Variants in C7orf33 observed in about 807,000 individuals in gnomAD.
C7orf33 encodes uncharacterized protein C7orf33.
C7orf33 carries 15 observed loss-of-function variants against 13.4 expected under a neutral mutation model. The ratio of observed to expected loss-of-function variants is 1.12; its 90% CI spans 0.75 to 1.72. The LOEUF (loss-of-function observed/expected upper bound fraction) is 1.72, where lower values mean the gene tolerates loss of function less well. Ranked by LOEUF, C7orf33 falls within the 40% of genes most tolerant of loss-of-function variation. The pLI, the probability that C7orf33 is intolerant of heterozygous loss-of-function variation, is 0.00. For missense variants in C7orf33, 187 were observed against 220.3 expected (o/e 0.85, Z 0.96); for synonymous variants, 73 against 83.2 (o/e 0.88, Z 0.67).
At chr7:148,614,830 A>C (rs1420596697) in intron 2 of C7orf33, among the ~76,000 whole-genome samples, 1 of 152,226 alleles carries the variant, frequency 6.6e-6, no homozygotes, top group African/African-American at 2.4e-5. Context: ...TCAGCCTAAA[A>C]ATTTTAAATA....
At chr7:148,598,799 GAGAGAGAGAGAGAGAGAA>G in intron 1 of C7orf33, among the ~76,000 whole-genome samples, 1 of 138,802 alleles carries the variant, frequency 7.2e-6, no homozygotes, top group African/African-American at 2.8e-5. Flanking sequence ...GAGAGAGAGA[GAGAGAGAGAGAGAGAGAA>G]TGAGAATATA....
chr7:148,591,027 C>A lies in C7orf33; in HGVS notation c.102C>A (p.Arg34=). 6.2e-7 allele frequency: 1 copy of A among 1,614,140 alleles called. No homozygotes were observed. Among genetic ancestry groups the A allele is most frequent in the Non-Finnish European group, 8.5e-7 (1 of 1,179,998 alleles). The change falls in exon 1 of 3, where the codon CGC becomes CGA. Residue 34 remains arginine (R), a synonymous_variant. Transcript: ENST00000307003. Reference sequence around the variant, plus strand: ...CCCTCCTGCCCAGTGGGGCAAGGCGCCGGATTGACCTTCGCCTGAGTGGGA... The same window carrying A: ...CCCTCCTGCCCAGTGGGGCAAGGCGACGGATTGACCTTCGCCTGAGTGGGA... The part of the protein sequence containing the change: ...CEALLPSGAR[R]RIDLRLSGRA...
intron 1 of C7orf33, among the ~76,000 whole-genome samples, chr7:148,593,419 C>G (rs1407421745): frequency 2.0e-5 from 3 of 152,040 alleles, no homozygotes; most frequent in Non-Finnish European, 4.4e-5. Flanking sequence ...CCTGCCACCA[C>G]TCCCAGCTAA....
At chr7:148,613,904 T>A in intron 1 of C7orf33, 138 bp from the exon 2 acceptor site, 2 of 930,730 alleles carry the variant, frequency 2.1e-6, no homozygotes, top group South Asian at 1.7e-5. Flanking sequence ...AATATCTTTG[T>A]CTATAATCTT....
rs140138291 is a variant in C7orf33 at position 148,602,929 on chromosome 7, C to G, written c.205-11113C>G. Reference sequence around the variant, plus strand: ...AAGAGTCATCCTTTCCAGATTCCTACAGGATAATGGCTACTTCTTAAGTCT... The same window carrying G: ...AAGAGTCATCCTTTCCAGATTCCTAGAGGATAATGGCTACTTCTTAAGTCT... On this transcript the variant is annotated intron_variant, in intron 1 of 2. Coordinates refer to ENST00000307003, the MANE Select transcript of C7orf33 (RefSeq NM_145304.4). 5.1e-3 allele frequency among the ~76,000 whole-genome samples: 779 copies of G among 152,290 alleles called. 3 individuals carry two copies. Among genetic ancestry groups the G allele is most frequent in the Non-Finnish European group, 8.3e-3 (568 of 68,028 alleles).
At chr7:148,605,782 G>A (rs567368050) in intron 1 of C7orf33, among the ~76,000 whole-genome samples, 1 of 152,214 alleles carries the variant, frequency 6.6e-6, no homozygotes, top group Admixed American at 6.5e-5. Flanking sequence ...CTACCTCTAT[G>A]AGACCTTAGA....
rs759588680 is a variant in C7orf33 at position 148,614,069 on chromosome 7, CG to C, written c.237del (p.Met80TrpfsTer55). On this transcript the variant is annotated frameshift_variant, in exon 2 of 3. Transcript: ENST00000307003. LOFTEE classifies it high-confidence loss of function. ...KKPNPHQNMN[R>X]GMEFIAPVSA... ...GCCAAACCCACACCAAAACATGAAC[CG>C]GGGGATGGAATTTATTGCTCCTGTA... is the stretch of plus-strand genomic sequence containing the variant. The C allele has an allele frequency of 1.2e-6, 2 of 1,614,050 alleles. No homozygotes were observed. Among genetic ancestry groups the C allele is most frequent in the South Asian group, 2.2e-5 (2 of 91,062 alleles).
At chr7:148,606,157 T>C (rs1796471180) in intron 1 of C7orf33, among the ~76,000 whole-genome samples, 1 of 152,204 alleles carries the variant, frequency 6.6e-6, no homozygotes, top group South Asian at 2.1e-4. Flanking sequence ...GCTCTGCAGA[T>C]AGGTAGGGAC....
rs1284148904 is a variant in C7orf33 at position 148,591,083 on chromosome 7, G to T, written c.158G>T (p.Gly53Val). ...RAVAVWVHVR[G>V]GPGQFNLSYA... is the part of the protein sequence containing the mutation. ...GTCGCTGTTTGGGTCCACGTTAGGG[G>T]CGGTCCAGGTCAATTTAACTTGTCA... The change falls in exon 1 of 3, where the codon GGC (glycine) becomes GTC (valine). Residue 53 changes from glycine (G) to valine (V), a missense_variant. Physicochemically the swap from Gly to Val is moderately radical, Grantham distance 109. Coordinates refer to ENST00000307003, the MANE Select transcript of C7orf33 (RefSeq NM_145304.4). 6.2e-7 allele frequency: 1 copy of T among 1,613,966 alleles called. No individual in the cohort carries two copies. The highest frequency in any genetic ancestry group is 1.1e-5 in the South Asian group (1 of 91,016).
At chr7:148,592,599 C>G (rs1398039838) in intron 1 of C7orf33, among the ~76,000 whole-genome samples, 1 of 151,500 alleles carries the variant, frequency 6.6e-6, no homozygotes, top group Admixed American at 6.6e-5. Flanking sequence ...ACTACAACCT[C>G]TGCCTCCTGG....
intron 1 of C7orf33, among the ~76,000 whole-genome samples, chr7:148,591,965 C>T (rs1440632218): frequency 6.6e-6 from 1 of 152,202 alleles, no homozygotes; most frequent in African/African-American, 2.4e-5. Flanking sequence ...AAAGTATGAG[C>T]TCCCACTTTG....
At chr7:148,594,367 G>A (rs1186572211) in intron 1 of C7orf33, among the ~76,000 whole-genome samples, 6 of 151,930 alleles carry the variant, frequency 3.9e-5, no homozygotes, top group Admixed American at 2.0e-4. Context: ...TAGTAGAGAC[G>A]GGGTTTCACC....
Position 148,614,118 on chromosome 7 carries a change from C to A in C7orf33, c.281C>A (p.Ala94Asp). 1.2e-6 allele frequency: 2 copies of A among 1,614,168 alleles called. No homozygotes were observed. Among genetic ancestry groups the A allele is most frequent in the South Asian group, 2.2e-5 (2 of 91,078 alleles). ...GTATCAGCTCCCACCAAATCTGGTGCCCCGTGGCATTTTCTTTCTCAAGGT... is the reference window on the plus strand; with the variant it reads ...GTATCAGCTCCCACCAAATCTGGTGACCCGTGGCATTTTCTTTCTCAAGGT... The part of the protein sequence containing the change: ...APVSAPTKSG[A>D]PWHFLSQGPT... Residue 94 changes from alanine to aspartate, a missense_variant, in exon 2 of 3, where the codon GCC becomes GAC. Physicochemically the swap from Ala to Asp is moderately radical, Grantham distance 126 (BLOSUM62 -2). Coordinates refer to ENST00000307003, the MANE Select transcript of C7orf33 (RefSeq NM_145304.4).
chr7:148,606,107 T>C (rs1796470449), intron 1 of C7orf33, among the ~76,000 whole-genome samples: 1 of 151,910 alleles, frequency 6.6e-6, no homozygotes, highest in African/African-American at 2.4e-5. Flanking sequence ...CCACCACAAA[T>C]CCCAACATGC....
intron 1 of C7orf33, 38 bp downstream of exon 1, chr7:148,591,167 GAGTC>G (rs902197534): frequency 6.7e-7 from 1 of 1,491,680 alleles, no homozygotes; most frequent in African/African-American, 1.4e-5. Flanking sequence ...ACTGCTCTTT[GAGTC>G]AGTCAGTATC....
At chr7:148,611,960 C>T (rs1398298438) in intron 1 of C7orf33, among the ~76,000 whole-genome samples, 2 of 152,246 alleles carry the variant, frequency 1.3e-5, no homozygotes, top group Non-Finnish European at 2.9e-5. Context: ...TCAGGGAACG[C>T]TCCCATTTCA....
At chr7:148,615,196 C>T (rs1796588968) in intron 2 of C7orf33, 131 bp from the exon 3 acceptor site, 1 of 625,884 alleles carries the variant, frequency 1.6e-6, no homozygotes, top group African/African-American at 1.8e-5. Flanking sequence ...ACCTTGGCCT[C>T]TCAAAGTGCT....
At chr7:148,595,538 T>C (rs1796324065) in intron 1 of C7orf33, among the ~76,000 whole-genome samples, 2 of 132,994 alleles carry the variant, frequency 1.5e-5, no homozygotes, top group South Asian at 4.4e-4. Flanking sequence ...ATAATATAGA[T>C]CTGTATTATA....
At chr7:148,591,754 T>C (rs1796273955) in intron 1 of C7orf33, among the ~76,000 whole-genome samples, 1 of 152,154 alleles carries the variant, frequency 6.6e-6, no homozygotes, top group Non-Finnish European at 1.5e-5. Context: ...CTAATTTTTT[T>C]ATTTTTTGTA....
Sources: gnomAD v4.1 joint callset for allele counts (sites outside exome capture counted in the v4.1 genomes callset) on GRCh38, gnomAD v4.1.1 for gene constraint, MANE v1.5 for transcripts, NCBI Gene and HGNC (gene_info 2026-07-23, HGNC 2026-07-21) for gene names.